FYN: variants seen among roughly 807,000 people sequenced by gnomAD.
The protein encoded by FYN is tyrosine-protein kinase Fyn.
FYN carries 10 observed loss-of-function variants against 70.2 expected under a neutral mutation model. That is an observed-to-expected ratio of 0.14 (90% confidence interval 0.09 to 0.24). The LOEUF is 0.24. Ranked by LOEUF, FYN falls within the 10% of genes least tolerant of loss-of-function variation. FYN has a pLI of 1.00. For missense variants in FYN, 319 were observed against 673.1 expected, an observed-to-expected ratio of 0.47 and a Z score of 5.82; for synonymous variants, 236 against 248.6, an observed-to-expected ratio of 0.95 and a Z score of 0.48.
chr6:111,765,416 G>C (rs765589744), intron 3 of FYN, among the ~76,000 whole-genome samples: 10 of 152,186 alleles, frequency 6.6e-5, no homozygotes, highest in Non-Finnish European at 1.5e-4. Flanking sequence ...GGGGACACCA[G>C]AGACAGTGGC....
chr6:111,807,884 C>T (rs1404616571), intron 2 of FYN, among the ~76,000 whole-genome samples: 1 of 151,940 alleles, frequency 6.6e-6, no homozygotes, highest in Non-Finnish European at 1.5e-5. Flanking sequence ...CCGAGGTGGG[C>T]AAATCACAAG....
At chr6:111,845,039 C>G (rs943710695) in intron 2 of FYN, 1 of 152,398 alleles carries the variant, frequency 6.6e-6, no homozygotes, top group African/African-American at 2.4e-5. Flanking sequence ...CAGTGCCCCC[C>G]ACACCCCACT....
intron 12 of FYN, among the ~76,000 whole-genome samples, chr6:111,680,470 G>C (rs1798734376): frequency 6.6e-6 from 1 of 152,246 alleles, no homozygotes; most frequent in African/African-American, 2.4e-5. Context: ...GCAACAGAAA[G>C]TCACTGGGCT....
At chr6:111,805,983 T>C (rs2114271333) in intron 2 of FYN, among the ~76,000 whole-genome samples, 1 of 152,072 alleles carries the variant, frequency 6.6e-6, no homozygotes, top group Admixed American at 6.5e-5. Context: ...CCACAACAGC[T>C]CTTGAGGCAG....
intron 2 of FYN, among the ~76,000 whole-genome samples, chr6:111,834,781 T>C (rs1468021766): frequency 6.6e-6 from 1 of 152,092 alleles, no homozygotes; most frequent in African/African-American, 2.4e-5. Flanking sequence ...TTCACAAAAG[T>C]TTATCAGTTG....
intron 3 of FYN, among the ~76,000 whole-genome samples, chr6:111,727,045 T>C (rs2128467623): frequency 6.6e-6 from 1 of 152,260 alleles, no homozygotes; most frequent in Non-Finnish European, 1.5e-5. Context: ...AATTACCCGG[T>C]CTCAGGTATT....
chr6:111,733,430 T>C (rs1206226506), intron 3 of FYN, among the ~76,000 whole-genome samples: 1 of 152,222 alleles, frequency 6.6e-6, no homozygotes, highest in African/African-American at 2.4e-5. Context: ...GCTCTGCTCC[T>C]AGCCATTTTC....
At chr6:111,813,593 C>T (rs1772393311) in intron 2 of FYN, among the ~76,000 whole-genome samples, 1 of 152,162 alleles carries the variant, frequency 6.6e-6, no homozygotes, top group Non-Finnish European at 1.5e-5. Flanking sequence ...AGCTAGCATG[C>T]AGGACTCTAA....
At chr6:111,774,576 C>T (rs943481158) in intron 3 of FYN, among the ~76,000 whole-genome samples, 1 of 152,088 alleles carries the variant, frequency 6.6e-6, no homozygotes, top group East Asian at 1.9e-4. Flanking sequence ...CCATCCCCCC[C>T]ACACACTCCC....
intron 1 of FYN, among the ~76,000 whole-genome samples, chr6:111,852,652 T>C (rs1177992934): frequency 6.6e-6 from 1 of 152,142 alleles, no homozygotes; most frequent in Non-Finnish European, 1.5e-5. Flanking sequence ...CGAGACTGTG[T>C]TGGGTGCAGT....
intron 1 of FYN, among the ~76,000 whole-genome samples, chr6:111,860,131 G>C (rs909429441): frequency 2.0e-5 from 3 of 151,960 alleles, no homozygotes; most frequent in Admixed American, 6.6e-5. Flanking sequence ...TCTGATTTTG[G>C]GCCTCCAGGA....
chr6:111,807,667 T>C lies in FYN; in HGVS notation c.-81-27032A>G, dbSNP rs138725465. 2.3e-3 allele frequency among the ~76,000 whole-genome samples: 351 copies of C among 152,238 alleles called. 1 individual carries two copies. The highest frequency in any genetic ancestry group is 4.2e-3 in the Non-Finnish European group (284 of 68,012). On this transcript the variant is annotated intron_variant, in intron 2 of 13. Transcript: ENST00000354650. ...CCAGTCAACTACAAAAGGTTAATCA[T>C]TGCAAGAGCCTTAGAGGCATCCTAA...
chr6:111,719,303 A>G (rs1180415733), intron 4 of FYN, among the ~76,000 whole-genome samples: 1 of 151,798 alleles, frequency 6.6e-6, no homozygotes, highest in East Asian at 1.9e-4. Flanking sequence ...AAAGACAAGG[A>G]AACTTCCAAA....
At chr6:111,686,858 T>C (rs139857758) in intron 12 of FYN, among the ~76,000 whole-genome samples, 1 of 152,310 alleles carries the variant, frequency 6.6e-6, no homozygotes, top group East Asian at 1.9e-4. Context: ...GCAGGAGCCC[T>C]TGAGCTGGAA....
chr6:111,674,706 T>A lies in FYN; in HGVS notation c.1274-76A>T, dbSNP rs1023048219. 3 of 1,501,908 alleles carry A rather than the reference T, an allele frequency of 2.0e-6. No homozygotes were observed. The African/African-American group carries it at 4.2e-5, about 21-fold the overall frequency. 93.0% of individuals were successfully genotyped at this position (1,501,908 alleles called of 1,614,324 possible). The stretch of plus-strand genomic sequence containing the variant: ...CATGGGGTGTGGGAGGGAAAGGCAC[T>A]TGGCAAGCTACTTTCCTGAGAGCAG... On this transcript the variant is annotated intron_variant, in intron 12 of 13. Transcript: ENST00000354650.
At chr6:111,812,837 A>G (rs1000886126) in intron 2 of FYN, among the ~76,000 whole-genome samples, 2 of 152,018 alleles carry the variant, frequency 1.3e-5, no homozygotes, top group African/African-American at 4.8e-5. Context: ...TTGAGAATTG[A>G]CTAATATCTA....
intron 1 of FYN, among the ~76,000 whole-genome samples, chr6:111,869,772 G>C (rs562257294): frequency 6.6e-6 from 1 of 152,306 alleles, no homozygotes; most frequent in African/African-American, 2.4e-5. Flanking sequence ...GCCAAGAAAG[G>C]TGCTTTTGGA....
At chr6:111,709,481 T>C (rs991696822) in intron 5 of FYN, among the ~76,000 whole-genome samples, 3 of 152,190 alleles carry the variant, frequency 2.0e-5, no homozygotes, top group Admixed American at 6.5e-5. Context: ...GGGAAAATGT[T>C]TGGTGGCATA....
At chr6:111,817,451 C>T (rs151284552) in intron 2 of FYN, among the ~76,000 whole-genome samples, 46 of 152,284 alleles carry the variant, frequency 3.0e-4, no homozygotes, top group African/African-American at 1.0e-3. Context: ...CAAAACTAAA[C>T]GAATACATGG....
Sources: allele counts gnomAD v4.1 joint callset (sites outside exome capture counted in the v4.1 genomes callset), GRCh38; gene constraint gnomAD v4.1.1; transcripts MANE v1.5; gene names NCBI Gene and HGNC (gene_info 2026-07-23, HGNC 2026-07-21).